Variants in IL1RAPL2 observed in about 807,000 individuals in gnomAD.
IL1RAPL2 encodes the protein interleukin 1 receptor accessory protein like 2.
In IL1RAPL2, 3 loss-of-function variants were observed where a neutral mutation model predicts 44.1. The observed-to-expected ratio is 0.07, with a 90% CI of 0.03 to 0.18. The LOEUF (loss-of-function observed/expected upper bound fraction) is 0.18, where lower values mean the gene tolerates loss of function less well. IL1RAPL2 is among the 10% of genes least tolerant of loss of function. IL1RAPL2 has a pLI of 1.00. For synonymous variants in IL1RAPL2, 181 were observed against 178.8 expected (o/e 1.01, Z -0.10); for missense variants, 391 against 496.4 (o/e 0.79, Z 2.02).
chrX:105,531,040 C>T (rs1029319319), intron 6 of IL1RAPL2, among the ~76,000 whole-genome samples: 10 of 111,711 alleles, frequency 9.0e-5, no homozygotes, highest in Admixed American at 2.9e-4. Flanking sequence ...GCAACAAGCA[C>T]GGGAGTGCAG....
At chrX:105,132,827 T>C (rs193151847) in intron 2 of IL1RAPL2, among the ~76,000 whole-genome samples, 15 of 111,629 alleles carry the variant, frequency 1.3e-4, no homozygotes, top group Admixed American at 2.9e-4. Flanking sequence ...GGGGGAGAAG[T>C]GCACAATTTG....
rs1347360555 is a variant in IL1RAPL2 at position 105,668,844 on chromosome X, G to A, written c.773-48523G>A. Among the ~76,000 whole-genome samples the A allele has an allele frequency of 8.1e-5, 9 of 111,559 alleles. No individual in the cohort carries two copies. In the Admixed American group the frequency reaches 8.6e-4, roughly 11 times the overall value. Reference sequence around the variant, plus strand: ...AAGGTGGATACCTAAAACCTAAAGCGATATTGAAAGGGGTTCCTTCTTCTG... The same window carrying A: ...AAGGTGGATACCTAAAACCTAAAGCAATATTGAAAGGGGTTCCTTCTTCTG... On this transcript the variant is annotated intron_variant, in intron 6 of 10. Transcript: ENST00000372582.
chrX:105,489,340 T>C (rs559444002), intron 6 of IL1RAPL2, among the ~76,000 whole-genome samples: 26 of 112,014 alleles, frequency 2.3e-4, no homozygotes, highest in Admixed American at 6.6e-4. Context: ...AATAATTTTT[T>C]CTAAGTAAAA....
chrX:104,918,505 A>G (rs1924531975), intron 2 of IL1RAPL2, among the ~76,000 whole-genome samples: 1 of 112,243 alleles, frequency 8.9e-6, no homozygotes, highest in African/African-American at 3.2e-5. Context: ...TATATTTAAT[A>G]CATTTATTTA....
At chrX:105,082,146 T>C (rs151026539) in intron 2 of IL1RAPL2, among the ~76,000 whole-genome samples, 6,977 of 111,418 alleles carry the variant, frequency 0.063, 605 homozygotes, top group African/African-American at 0.22. Flanking sequence ...ACTGCCTCAA[T>C]TTCAGAACTT....
intron 5 of IL1RAPL2, among the ~76,000 whole-genome samples, chrX:105,389,431 G>A (rs1349962049): frequency 8.9e-6 from 1 of 111,976 alleles, no homozygotes; most frequent in East Asian, 2.8e-4. Context: ...AACGCTACTG[G>A]TTGTGATGGT....
chrX:104,959,403 C>G (rs147723442), intron 2 of IL1RAPL2, among the ~76,000 whole-genome samples: 25 of 111,646 alleles, frequency 2.2e-4, no homozygotes, highest in African/African-American at 8.1e-4. Context: ...TGGTCCCTTA[C>G]AGTTTCCGAA....
intron 2 of IL1RAPL2, among the ~76,000 whole-genome samples, chrX:104,866,021 T>G (rs1480363006): frequency 3.6e-5 from 4 of 112,659 alleles, no homozygotes. Flanking sequence ...TACTGGCAGT[T>G]GCTTTCCTTC....
intron 2 of IL1RAPL2, among the ~76,000 whole-genome samples, chrX:104,892,782 C>G (rs1460850067): frequency 9.0e-6 from 1 of 111,484 alleles, no homozygotes; most frequent in Non-Finnish European, 1.9e-5. Context: ...TTTTTTGTAT[C>G]TCTATCTCCT....
At chrX:104,787,278 AC>A (rs1464742338) in intron 2 of IL1RAPL2, among the ~76,000 whole-genome samples, 1 of 111,707 alleles carries the variant, frequency 9.0e-6, no homozygotes, top group Non-Finnish European at 1.9e-5. Flanking sequence ...CTGGAGAATG[AC>A]AGAAGGTGCT....
intron 6 of IL1RAPL2, among the ~76,000 whole-genome samples, chrX:105,614,668 A>G (rs763584623): frequency 6.7e-4 from 75 of 111,796 alleles, no homozygotes; most frequent in Admixed American, 1.1e-3. Context: ...CTCTCCTTAT[A>G]CAAAAATCAA....
intron 2 of IL1RAPL2, among the ~76,000 whole-genome samples, chrX:104,707,202 G>C (rs776797064): frequency 1.8e-5 from 2 of 110,965 alleles, no homozygotes; most frequent in African/African-American, 3.3e-5. Flanking sequence ...AATTAGTCGG[G>C]GGAAAAACAG....
rs1448414471 is a variant in IL1RAPL2 at position 105,717,352 on chromosome X, T to C, written c.773-15T>C. ...TCAGGAGTCATTTGCTCATTTCTTT[T>C]TCTCTCATTCTCAGGTAAGCCTCTG... On this transcript the variant is annotated splice_polypyrimidine_tract_variant and intron_variant, in intron 6 of 10. Transcript: ENST00000372582. The C allele has an allele frequency of 8.6e-7, 1 of 1,167,737 alleles. No homozygotes were observed. The highest frequency in any genetic ancestry group is 2.4e-4 in the Middle Eastern group (1 of 4,122).
At chrX:105,089,525 C>G (rs903187706) in intron 2 of IL1RAPL2, among the ~76,000 whole-genome samples, 1 of 110,842 alleles carries the variant, frequency 9.0e-6, no homozygotes, top group Non-Finnish European at 1.9e-5. Flanking sequence ...CTCCCCTTCC[C>G]CACCTCATTT....
At chrX:105,407,973 A>G (rs1322032418) in intron 5 of IL1RAPL2, among the ~76,000 whole-genome samples, 1 of 111,979 alleles carries the variant, frequency 8.9e-6, no homozygotes, top group African/African-American at 3.2e-5. Flanking sequence ...TCAAATACCA[A>G]ATAGTTTACA....
intron 7 of IL1RAPL2, among the ~76,000 whole-genome samples, chrX:105,731,615 G>A (rs1188093432): frequency 9.0e-6 from 1 of 110,845 alleles, no homozygotes; most frequent in Non-Finnish European, 1.9e-5. Flanking sequence ...TTTGCACAGT[G>A]GAATCCTATT....
At chrX:105,295,139 A>G (rs1044223595) in intron 5 of IL1RAPL2, among the ~76,000 whole-genome samples, 1 of 111,556 alleles carries the variant, frequency 9.0e-6, no homozygotes, top group Non-Finnish European at 1.9e-5. Context: ...GGAAGGGTGA[A>G]GCTAAGTTAT....
At chrX:105,238,451 TAGC>T in intron 4 of IL1RAPL2, among the ~76,000 whole-genome samples, 1 of 111,140 alleles carries the variant, frequency 9.0e-6, no homozygotes, top group African/African-American at 3.3e-5. Flanking sequence ...CACTGAAAAA[TAGC>T]AGAACAGTGG....
At chrX:105,217,324 A>G (rs1257000589) in intron 3 of IL1RAPL2, among the ~76,000 whole-genome samples, 2 of 112,288 alleles carry the variant, frequency 1.8e-5, no homozygotes, top group African/African-American at 6.5e-5. Flanking sequence ...AAAAGAAGAC[A>G]TTTATGCAGC....
Sources: allele counts gnomAD v4.1 joint callset (sites outside exome capture counted in the v4.1 genomes callset), GRCh38; gene constraint gnomAD v4.1.1; transcripts MANE v1.5; gene names NCBI Gene and HGNC (gene_info 2026-07-23, HGNC 2026-07-21).